The following E2F8 variants were observed in gnomAD, a reference collection of about 807,000 sequenced individuals.
The protein encoded by E2F8 is transcription factor E2F8.
In E2F8, 35 loss-of-function variants were observed where a neutral mutation model predicts 80.8. The ratio of observed to expected loss-of-function variants is 0.43; its 90% CI spans 0.33 to 0.57. The LOEUF is 0.57. Among genes scored for constraint, E2F8 ranks in the 20% least tolerant of loss-of-function variants. E2F8 has a pLI of 0.04. For synonymous variants in E2F8, 386 were observed against 395.0 expected (o/e 0.98, Z 0.27); for missense variants, 975 against 1,056.2 (o/e 0.92, Z 1.07).
chr11:19,237,757 G>A lies in E2F8; in HGVS notation c.294+97C>T, dbSNP rs1851557971. Reference sequence around the variant, plus strand: ...GGAAGTTAATAACAGCCTTCGGGTGGTGATGCTTTAAATTGCTGGCACTTC... The same window carrying A: ...GGAAGTTAATAACAGCCTTCGGGTGATGATGCTTTAAATTGCTGGCACTTC... On this transcript the variant is annotated intron_variant, in intron 3 of 12. Coordinates refer to ENST00000250024, the MANE Select transcript of E2F8 (RefSeq NM_024680.4). 4.1e-6 allele frequency: 6 copies of A among 1,466,566 alleles called. No individual in the cohort carries two copies. The South Asian group carries it at 8.1e-5, about 20-fold the overall frequency. The allele number at this position is 1,466,566 out of a possible 1,614,324, so 90.8% of individuals were successfully genotyped here. A position where few individuals can be genotyped will look rare whatever the true frequency, so the allele number is the denominator to read the frequency against.
Position 19,229,305 on chromosome 11 carries a change from G to A in E2F8, c.1893+149C>T, listed in dbSNP as rs1432234120. 9.3e-7 allele frequency: 1 copy of A among 1,070,716 alleles called. No homozygotes were observed. The highest frequency in any genetic ancestry group is 1.3e-6 in the Non-Finnish European group (1 of 743,618). 66.3% of individuals were successfully genotyped at this position (1,070,716 alleles called of 1,614,324 possible). A position where few individuals can be genotyped will look rare whatever the true frequency, so the allele number is the denominator to read the frequency against. On this transcript the variant is annotated intron_variant, in intron 10 of 12. Coordinates refer to ENST00000250024, the MANE Select transcript of E2F8 (RefSeq NM_024680.4). The surrounding 1 kb of genome is among the most constrained non-coding windows in gnomAD (Gnocchi z 4.3). ...CTTCATCCCAGCCAGGGGATTAGCTGTTGAGGGCCTCACTTGGATTATGGG... is the reference window on the plus strand; with the variant it reads ...CTTCATCCCAGCCAGGGGATTAGCTATTGAGGGCCTCACTTGGATTATGGG...
chr11:19,237,890 G>A lies in E2F8; in HGVS notation c.258C>T (p.Asn86=). The change falls in exon 3 of 13, where the codon AAC becomes AAT. Residue 86 remains asparagine, a synonymous_variant. Transcript: ENST00000250024. ...CTTTGGCCTCAGGTAATCCACTTCT[G>A]TTGTCAAACAAACCCCTTTTCTGAT... ...NRDQKRGLFD[N]RSGLPEAKDC... is the part of the protein sequence containing the mutation. 9 of 1,613,648 alleles carry A rather than the reference G, an allele frequency of 5.6e-6. No homozygotes were observed. The highest frequency in any genetic ancestry group is 7.6e-6 in the Non-Finnish European group (9 of 1,179,958).
chr11:19,240,571 A>G lies in E2F8; in HGVS notation c.-133T>C, dbSNP rs541985966. On this transcript the variant is annotated 5_prime_UTR_variant, in exon 1 of 13. Coordinates refer to ENST00000250024, the MANE Select transcript of E2F8 (RefSeq NM_024680.4). ...ACCTGTTCGCAGATCAGGGCTCCGG[A>G]CTAAGCGCACGAGCCCAGGTCCCAG... 60 of 152,772 alleles carry G rather than the reference A, an allele frequency of 3.9e-4. No individual in the cohort carries two copies. The highest frequency in any genetic ancestry group is 1.9e-3 in the East Asian group (10 of 5,184). 9.5% of individuals were successfully genotyped at this position (152,772 alleles called of 1,614,324 possible).
intron 4 of E2F8, among the ~76,000 whole-genome samples, chr11:19,236,519 A>G (rs1008987007): frequency 6.6e-6 from 1 of 152,228 alleles, no homozygotes; most frequent in African/African-American, 2.4e-5. Context: ...GACACATAGT[A>G]GTAGAAGATT....
chr11:19,238,327 C>T lies in E2F8; in HGVS notation c.16-195G>A, dbSNP rs1293400812. Among the ~76,000 whole-genome samples, 9 of 152,200 alleles carry T rather than the reference C, an allele frequency of 5.9e-5. No individual in the cohort carries two copies. In the East Asian group the frequency reaches 1.7e-3, roughly 29 times the overall value. On this transcript the variant is annotated intron_variant, in intron 2 of 12. Coordinates refer to ENST00000250024, the MANE Select transcript of E2F8 (RefSeq NM_024680.4). The stretch of plus-strand genomic sequence containing the variant: ...TTGTCAATTCTAATAATTACATTTC[C>T]CATTTTTAATTTTGCAATAAGCCAT...
intron 3 of E2F8, 138 bp downstream of exon 3, chr11:19,237,716 T>A: frequency 8.1e-7 from 1 of 1,231,390 alleles, no homozygotes; most frequent in South Asian, 1.5e-5. Context: ...GGTCCAAACC[T>A]TTCTGGTGCT....
Position 19,237,364 on chromosome 11 carries a change from T to C in E2F8, c.401A>G (p.Asn134Ser), listed in dbSNP as rs1851545471. 1.9e-6 allele frequency: 3 copies of C among 1,614,118 alleles called. No homozygotes were observed. The highest frequency in any genetic ancestry group is 2.2e-5 in the East Asian group (1 of 44,870). Residue 134 changes from asparagine (N) to serine (S), a missense_variant, in exon 4 of 13, where the codon AAC (asparagine) becomes AGC (serine). By Grantham distance (46) the Asn-to-Ser change is conservative (BLOSUM62 1). Coordinates refer to ENST00000250024, the MANE Select transcript of E2F8 (RefSeq NM_024680.4). ...GCAGATGTCATTATTCACAGCAGGG[T>C]TGGGATAATTAGGATATCGTGCTAA... ...KFLARYPNYP[N>S]PAVNNDICLD...
In E2F8 at chr11:19,225,735, C is replaced by A; in HGVS notation, c.2023G>T (p.Ala675Ser). ...PNHRIYSSPI[A>S]GVIPVTSSEL... ...TTAGTGTTTTATGTGCACTCACCTG[C>A]AATTGGGGAGCTGTAAATCCTGTGG... Residue 675 changes from alanine (A) to serine (S), a missense_variant, in exon 11 of 13, where the codon GCA becomes TCA. By Grantham distance (99) the Ala-to-Ser change is moderately conservative. Transcript: ENST00000250024. 1 of 1,614,152 alleles carries A rather than the reference C, an allele frequency of 6.2e-7. No individual in the cohort carries two copies. Among genetic ancestry groups the A allele is most frequent in the Non-Finnish European group, 8.5e-7 (1 of 1,180,016 alleles).
At chr11:19,236,716 T>G (rs1019051088) in intron 4 of E2F8, among the ~76,000 whole-genome samples, 2 of 152,206 alleles carry the variant, frequency 1.3e-5, no homozygotes, top group African/African-American at 4.8e-5. Flanking sequence ...AGCACATCAC[T>G]TCACAGGTTT....
At chr11:19,225,706 C>A in intron 11 of E2F8, 26 bp downstream of exon 11, 1 of 1,613,690 alleles carries the variant, frequency 6.2e-7, no homozygotes, top group Non-Finnish European at 8.5e-7. Context: ...CGGCCCACAT[C>A]TGGTTAGTGT....
intron 7 of E2F8, 122 bp downstream of exon 7, chr11:19,232,112 G>C: frequency 7.3e-7 from 1 of 1,369,562 alleles, no homozygotes; most frequent in Non-Finnish European, 1.0e-6. Flanking sequence ...TCACTCGTAA[G>C]TGGGAGTTGA....
Position 19,229,577 on chromosome 11 carries a change from C to T in E2F8, c.1770G>A (p.Gly590=), listed in dbSNP as rs778529548. 6.2e-7 allele frequency: 1 copy of T among 1,614,074 alleles called. No homozygotes were observed. Among genetic ancestry groups the T allele is most frequent in the East Asian group, 2.2e-5 (1 of 44,894 alleles). The change falls in exon 10 of 13, where the codon GGG becomes GGA. Residue 590 remains glycine, a synonymous_variant. Coordinates refer to ENST00000250024, the MANE Select transcript of E2F8 (RefSeq NM_024680.4). The surrounding 1 kb of genome is among the most constrained non-coding windows in gnomAD (Gnocchi z 4.3). ...CTGGCTCCCTGGTTCGGCTCTTTGCCCCTTGCCTCTCTGGTGCTGGCAGCA... is the reference window on the plus strand; with the variant it reads ...CTGGCTCCCTGGTTCGGCTCTTTGCTCCTTGCCTCTCTGGTGCTGGCAGCA... The part of the protein sequence containing the change: ...GSLLPAPERQ[G]AKSRTREPAG...
At chr11:19,225,947 C>G in intron 10 of E2F8, 83 bp from the exon 11 acceptor site, 5 of 1,505,804 alleles carry the variant, frequency 3.3e-6, no homozygotes, top group Non-Finnish European at 3.6e-6. Context: ...GACTAATATC[C>G]CTTGGTGGTT....
intron 2 of E2F8, among the ~76,000 whole-genome samples, chr11:19,239,112 A>C (rs1041100086): frequency 1.3e-5 from 2 of 152,222 alleles, no homozygotes; most frequent in African/African-American, 4.8e-5. Flanking sequence ...AGACCAAATA[A>C]CTTTAAGAAC....
At chr11:19,233,613 G>A (rs988111647) in intron 6 of E2F8, among the ~76,000 whole-genome samples, 1 of 151,874 alleles carries the variant, frequency 6.6e-6, no homozygotes, top group Non-Finnish European at 1.5e-5. Context: ...TCAGCCTCCT[G>A]AGTAACTGGG....
chr11:19,239,521 ATGTT>A (rs1406994440), intron 2 of E2F8, among the ~76,000 whole-genome samples: 5 of 152,122 alleles, frequency 3.3e-5, no homozygotes, highest in African/African-American at 4.8e-5. Flanking sequence ...ATTTTACAAA[ATGTT>A]TGCCCCCTAA....
chr11:19,240,682 C>G lies in E2F8; in HGVS notation c.-244G>C, dbSNP rs78841442. The G allele has an allele frequency of 2.0e-5, 3 of 152,378 alleles. No individual in the cohort carries two copies. Among genetic ancestry groups the G allele is most frequent in the African/African-American group, 7.2e-5 (3 of 41,574 alleles). The allele number at this position is 152,378 out of a possible 1,614,324, so 9.4% of individuals were successfully genotyped here. ...CCCCTTACACACACGTGCACAGGCT[C>G]AGCAGTAAAGTCGTGGGAGGTCGCT... On this transcript the variant is annotated 5_prime_UTR_variant, in exon 1 of 13. Coordinates refer to ENST00000250024, the MANE Select transcript of E2F8 (RefSeq NM_024680.4).
At position 19,240,087 on chromosome 11, in the gene E2F8, A is replaced by T. The variant is rs757469852; in HGVS notation, c.15+20T>A. Reference sequence around the variant, plus strand: ...ACTGAATTTAAAATTGCAATGATGAATACTGAAGTTATAAAGTACCTTTTC... The same window carrying T: ...ACTGAATTTAAAATTGCAATGATGATTACTGAAGTTATAAAGTACCTTTTC... On this transcript the variant is annotated intron_variant, in intron 2 of 12. Transcript: ENST00000250024. 1.3e-6 allele frequency: 2 copies of T among 1,521,588 alleles called. No individual in the cohort carries two copies. The highest frequency in any genetic ancestry group is 2.6e-5 in the South Asian group (2 of 77,884). 94.3% of individuals were successfully genotyped at this position (1,521,588 alleles called of 1,614,324 possible).
chr11:19,225,998 C>G lies in E2F8; in HGVS notation c.1894-134G>C, dbSNP rs532112565. The G allele has an allele frequency of 1.5e-3, 1,554 of 1,019,494 alleles. 2 individuals are homozygous for G. Among genetic ancestry groups the G allele is most frequent in the Middle Eastern group, 2.8e-3 (11 of 3,956 alleles). 63.2% of individuals were successfully genotyped at this position (1,019,494 alleles called of 1,614,324 possible). Reference sequence around the variant, plus strand: ...AGCCTCCAGCGGAGTGGGCTGCAGGCAGGCTGGTCACCTGGCTCCTAGAGG... The same window carrying G: ...AGCCTCCAGCGGAGTGGGCTGCAGGGAGGCTGGTCACCTGGCTCCTAGAGG... On this transcript the variant is annotated intron_variant, in intron 10 of 12. Coordinates refer to ENST00000250024, the MANE Select transcript of E2F8 (RefSeq NM_024680.4).
Sources: allele counts gnomAD v4.1 joint callset (sites outside exome capture counted in the v4.1 genomes callset), GRCh38; gene constraint gnomAD v4.1.1; non-coding constraint Gnocchi (gnomAD v3.1); transcripts MANE v1.5; gene names NCBI Gene and HGNC (gene_info 2026-07-23, HGNC 2026-07-21).